PATL1: variants seen among roughly 807,000 people sequenced by gnomAD.
PATL1 encodes the protein PAT1 homolog 1, processing body mRNA decay factor.
In PATL1, 32 loss-of-function variants were observed where a neutral mutation model predicts 100.6. The ratio of observed to expected loss-of-function variants is 0.32; its 90% CI spans 0.24 to 0.43. The LOEUF is 0.43. Among genes scored for constraint, PATL1 ranks in the 20% least tolerant of loss-of-function variants. The probability of loss-of-function intolerance (pLI) is 1.00; values close to 1 mark genes in which losing one functional copy is unlikely to be tolerated. For missense variants in PATL1, 747 were observed against 949.9 expected (o/e 0.79, Z 2.81); for synonymous variants, 332 against 330.0 (o/e 1.01, Z -0.07).
rs1861307964 is a variant in PATL1, at chr11:59,642,918, G to A, written c.2011C>T (p.Leu671Phe). 1.2e-6 allele frequency: 2 copies of A among 1,613,996 alleles called. No homozygotes were observed. Among genetic ancestry groups the A allele is most frequent in the Non-Finnish European group, 1.7e-6 (2 of 1,179,886 alleles). Residue 671 changes from leucine to phenylalanine, a missense_variant, in exon 16 of 19, where the codon CTC becomes TTC. Leu to Phe is a conservative substitution (Grantham distance 22). Transcript: ENST00000300146. ...ACAGCAGTGAGGTGAGGATTGGAGA[G>A]TGCTGGTGTAGCTGCACTTTGAGGT... ...NLPQSAATPA[L>F]SNPHLTAVLQ...
chr11:59,662,828 C>A (rs1590704574), intron 2 of PATL1, among the ~76,000 whole-genome samples: 1 of 152,084 alleles, frequency 6.6e-6, no homozygotes, highest in Non-Finnish European at 1.5e-5. Context: ...TTTACCAAAT[C>A]CTATCAAATA....
intron 4 of PATL1, among the ~76,000 whole-genome samples, chr11:59,657,994 T>A (rs900485183): frequency 1.3e-5 from 2 of 151,400 alleles, no homozygotes; most frequent in South Asian, 4.2e-4. Context: ...CGAGACTTCA[T>A]CTATACAAAA....
At position 59,642,566 on chromosome 11, in the gene PATL1, C is replaced by T. The variant is rs1040966129; in HGVS notation, c.2049+314G>A. 4.5e-4 allele frequency: 89 copies of T among 198,204 alleles called. No individual in the cohort carries two copies. In the Admixed American group the frequency reaches 5.1e-3, roughly 11 times the overall value. The allele number at this position is 198,204 out of a possible 1,614,324, so 12.3% of individuals were successfully genotyped here. A position where few individuals can be genotyped will look rare whatever the true frequency, so the allele number is the denominator to read the frequency against. ...ATGTAAAGCTGAATCATGAATTCCA[C>T]AGCCATCTTGGACCATGAGGAATAA... On this transcript the variant is annotated intron_variant, in intron 16 of 18. Transcript: ENST00000300146.
intron 8 of PATL1, 121 bp from the exon 9 acceptor site, chr11:59,654,193 C>T (rs1590700491): frequency 1.1e-5 from 9 of 850,526 alleles, no homozygotes; most frequent in Admixed American, 2.1e-5. Context: ...AAAGTCTATT[C>T]GGGATGGGTG....
chr11:59,667,130 G>T (rs1232309722), intron 1 of PATL1, 166 bp from the exon 2 acceptor site: 2 of 953,440 alleles, frequency 2.1e-6, no homozygotes, highest in Admixed American at 1.2e-4. Context: ...GACACTGGAA[G>T]ATTTCATCAT....
Position 59,639,159 on chromosome 11 carries a change from C to T in PATL1, c.2180G>A (p.Arg727Gln), listed in dbSNP as rs372552631. ...CTTGGCCAGGGCTGCTTGGGGAATC[C>T]GCAGAAGTTCTCGTGTTGCCATGAA... The part of the protein sequence containing the change: ...VMFMATRELL[R>Q]IPQAALAKPI... Residue 727 changes from arginine to glutamine, a missense_variant, in exon 18 of 19, where the codon CGG becomes CAG. Arg to Gln is a conservative substitution (Grantham distance 43). This residue lies in a region of PATL1 where 434 missense variants were observed against 596.1 expected (regional missense o/e 0.73). Transcript: ENST00000300146. 126 of 1,613,868 alleles carry T rather than the reference C, an allele frequency of 7.8e-5. No homozygotes were observed. Among genetic ancestry groups the T allele is most frequent in the South Asian group, 4.6e-4 (42 of 91,080 alleles).
chr11:59,657,739 G>T lies in PATL1; in HGVS notation c.427-15C>A. ...GTAGGCATTTCCTAATTGAGGAAGT[G>T]GTAAAATAAAATAGAAATTAACTAA... On this transcript the variant is annotated splice_polypyrimidine_tract_variant and intron_variant, in intron 4 of 18. Transcript: ENST00000300146. The T allele has an allele frequency of 1.3e-6, 2 of 1,524,880 alleles. No individual in the cohort carries two copies. Among genetic ancestry groups the T allele is most frequent in the Admixed American group, 1.9e-5 (1 of 53,962 alleles). The allele number at this position is 1,524,880 out of a possible 1,614,324, so 94.5% of individuals were successfully genotyped here. A position where few individuals can be genotyped will look rare whatever the true frequency, so the allele number is the denominator to read the frequency against.
Position 59,636,768 on chromosome 11 carries a change from T to G in PATL1, c.*1622A>C, listed in dbSNP as rs1247227303. 1 of 152,584 alleles carries G rather than the reference T, an allele frequency of 6.6e-6. No individual in the cohort carries two copies. The highest frequency in any genetic ancestry group is 1.5e-5 in the Non-Finnish European group (1 of 68,028). The allele number at this position is 152,584 out of a possible 1,614,324, so 9.5% of individuals were successfully genotyped here. The stretch of plus-strand genomic sequence containing the variant: ...TACAATACCCTATAAAAATGTAAAT[T>G]TAGAAACTTTTATTTTCATTAATTA... On this transcript the variant is annotated 3_prime_UTR_variant, in exon 19 of 19. Transcript: ENST00000300146.
chr11:59,668,212 G>A (rs1861718175), intron 1 of PATL1, among the ~76,000 whole-genome samples: 1 of 152,106 alleles, frequency 6.6e-6, no homozygotes, highest in African/African-American at 2.4e-5. Flanking sequence ...CAGAGATTAG[G>A]AGTCACTCAA....
intron 11 of PATL1, among the ~76,000 whole-genome samples, chr11:59,652,221 A>G (rs1590699400): frequency 6.6e-6 from 1 of 152,098 alleles, no homozygotes; most frequent in Non-Finnish European, 1.5e-5. Context: ...ACTGAAAATT[A>G]TAACACATTT....
intron 15 of PATL1, 40 bp from the exon 16 acceptor site, chr11:59,643,075 T>G: frequency 6.3e-7 from 1 of 1,590,460 alleles, no homozygotes; most frequent in Non-Finnish European, 8.6e-7. Flanking sequence ...CTGGCACGTG[T>G]TACTTCAGTT....
At chr11:59,652,392 G>A in intron 11 of PATL1, 72 bp downstream of exon 11, 13 of 1,525,842 alleles carry the variant, frequency 8.5e-6, no homozygotes, top group African/African-American at 1.4e-5. Flanking sequence ...ATATACACTT[G>A]TCTATATTTA....
chr11:59,668,883 C>T lies in PATL1; in HGVS notation c.13G>A (p.Glu5Lys). 2.5e-6 allele frequency: 3 copies of T among 1,188,790 alleles called. No individual in the cohort carries two copies. The highest frequency in any genetic ancestry group is 3.3e-6 in the Non-Finnish European group (3 of 896,130). 73.6% of individuals were successfully genotyped at this position (1,188,790 alleles called of 1,614,324 possible). Residue 5 changes from glutamate (E) to lysine (K), a missense_variant and splice_region_variant, in exon 1 of 19, where the codon GAG (glutamate) becomes AAG (lysine). This residue lies in a region of PATL1 where 183 missense variants were observed against 221.2 expected (regional missense o/e 0.83). Transcript: ENST00000300146. Reference sequence around the variant, plus strand: ...CACTTCCGGTCGCAACAGCTCACCTCGTAGCGGAACATTCTTGGGGAGGGG... The same window carrying T: ...CACTTCCGGTCGCAACAGCTCACCTTGTAGCGGAACATTCTTGGGGAGGGG... Reference protein sequence around the residue: MFRYESLEDCPLDED... With the variant: MFRYKSLEDCPLDED...
chr11:59,653,329 A>C, intron 9 of PATL1, among the ~76,000 whole-genome samples: 1 of 152,220 alleles, frequency 6.6e-6, no homozygotes, highest in East Asian at 1.9e-4. Context: ...TTAAGACAAC[A>C]AATCGATGCC....
intron 14 of PATL1, among the ~76,000 whole-genome samples, chr11:59,648,523 A>G (rs1480820911): frequency 2.6e-5 from 4 of 151,698 alleles, no homozygotes; most frequent in Admixed American, 1.3e-4. Context: ...CTTAAAAAAA[A>G]AAAAAAGAAA....
Position 59,647,837 on chromosome 11 carries a change from G to A in PATL1, c.1810C>T (p.Leu604Phe). ...KRMVARILPF[L>F]STEQAADILM... ...ATGTCAGCTGCTTGCTCTGTGGAGAGGAAAGGAAGAATACGGGCAACCATT... is the reference window on the plus strand; with the variant it reads ...ATGTCAGCTGCTTGCTCTGTGGAGAAGAAAGGAAGAATACGGGCAACCATT... Residue 604 changes from leucine to phenylalanine, a missense_variant, in exon 15 of 19, where the codon CTC becomes TTC. Physicochemically the swap from Leu to Phe is conservative, Grantham distance 22. This residue lies in a region of PATL1 where 434 missense variants were observed against 596.1 expected (regional missense o/e 0.73). Coordinates refer to ENST00000300146, the MANE Select transcript of PATL1 (RefSeq NM_152716.3). 1 of 1,613,890 alleles carries A rather than the reference G, an allele frequency of 6.2e-7. No homozygotes were observed. Among genetic ancestry groups the A allele is most frequent in the Non-Finnish European group, 8.5e-7 (1 of 1,179,806 alleles).
chr11:59,668,863 C>G lies in PATL1; in HGVS notation c.15+18G>C. On this transcript the variant is annotated intron_variant, in intron 1 of 18. Coordinates refer to ENST00000300146, the MANE Select transcript of PATL1 (RefSeq NM_152716.3). ...CGCGGGAGGGAGGGAGGGGTCACTT[C>G]CGGTCGCAACAGCTCACCTCGTAGC... 1 of 1,337,718 alleles carries G rather than the reference C, an allele frequency of 7.5e-7. No individual in the cohort carries two copies. Among genetic ancestry groups the G allele is most frequent in the Non-Finnish European group, 1.0e-6 (1 of 992,412 alleles). The allele number at this position is 1,337,718 out of a possible 1,614,324, so 82.9% of individuals were successfully genotyped here.
chr11:59,660,823 T>C (rs1048725812), intron 2 of PATL1, among the ~76,000 whole-genome samples: 1 of 152,188 alleles, frequency 6.6e-6, no homozygotes, highest in Non-Finnish European at 1.5e-5. Flanking sequence ...CATTTCCTCT[T>C]TTATCTTAAC....
intron 5 of PATL1, chr11:59,657,273 C>A (rs991216583): frequency 2.5e-5 from 13 of 510,756 alleles, no homozygotes; most frequent in Non-Finnish European, 3.3e-5. Context: ...CAAAACACTT[C>A]AAAAAGGATA....
Sources: gnomAD v4.1 joint callset for allele counts (sites outside exome capture counted in the v4.1 genomes callset) on GRCh38, gnomAD v4.1.1 for gene constraint, gnomAD v4.1.1 regional missense constraint, MANE v1.5 for transcripts, NCBI Gene and HGNC (gene_info 2026-07-23, HGNC 2026-07-21) for gene names.